SI: variants seen among roughly 807,000 people sequenced by gnomAD.
The protein encoded by SI is sucrase-isomaltase, intestinal.
SI carries 235 observed loss-of-function variants against 253.3 expected under a neutral mutation model. The ratio of observed to expected loss-of-function variants is 0.93; its 90% confidence interval spans 0.83 to 1.03. SI has a LOEUF of 1.03. SI is among the 50% of genes least tolerant of loss of function. The pLI is 0.00. For missense variants in SI, 2,442 were observed against 2,211.1 expected, an observed-to-expected ratio of 1.10 and a Z score of -2.09; for synonymous variants, 819 against 712.0, an observed-to-expected ratio of 1.15 and a Z score of -2.39.
chr3:165,062,264 A>G, intron 9 of SI, 107 bp downstream of exon 9: 1 of 666,902 alleles, frequency 1.5e-6, no homozygotes, highest in South Asian at 1.7e-5. Flanking sequence ...GAAAACATTT[A>G]GCTAAGAGGC....
chr3:165,021,518 T>A (rs759978644), intron 26 of SI, 135 bp from the exon 27 acceptor site: 3 of 732,750 alleles, frequency 4.1e-6, no homozygotes, highest in Non-Finnish European at 7.1e-6. Context: ...TCTACATTCA[T>A]GGTCCATATA....
intron 3 of SI, among the ~76,000 whole-genome samples, chr3:165,074,227 G>T (rs1364789846): frequency 1.3e-5 from 2 of 151,832 alleles, no homozygotes; most frequent in Admixed American, 6.6e-5. Context: ...ATTATCAAAG[G>T]TATACTTTCT....
chr3:165,066,948 T>C (rs995685594), intron 6 of SI, among the ~76,000 whole-genome samples: 1 of 151,866 alleles, frequency 6.6e-6, no homozygotes, highest in Non-Finnish European at 1.5e-5. Context: ...TATATATAAA[T>C]TATTTTAATA....
chr3:165,084,376 G>T, the SI span, among the ~76,000 whole-genome samples: 1 of 152,006 alleles, frequency 6.6e-6, no homozygotes, highest in South Asian at 2.1e-4. Context: ...AGAGCTGGTT[G>T]ATTTCAAACA....
At chr3:165,051,176 T>A (rs1713410529) in intron 13 of SI, among the ~76,000 whole-genome samples, 1 of 152,064 alleles carries the variant, frequency 6.6e-6, no homozygotes, top group Admixed American at 6.6e-5. Flanking sequence ...ACACTCAATA[T>A]GATTATTCAT....
intron 9 of SI, among the ~76,000 whole-genome samples, chr3:165,060,538 C>A (rs1713933865): frequency 6.6e-6 from 1 of 151,724 alleles, no homozygotes. Flanking sequence ...ATGCTCCCAC[C>A]CAGTTATTGC....
chr3:165,046,792 T>A, intron 16 of SI, 49 bp downstream of exon 16: 1 of 1,392,962 alleles, frequency 7.2e-7, no homozygotes, highest in Non-Finnish European at 1.0e-6. Context: ...ACATTAAAAA[T>A]TAATGTAATT....
chr3:165,027,810 A>G (rs555542285), intron 25 of SI, among the ~76,000 whole-genome samples: 2 of 151,702 alleles, frequency 1.3e-5, no homozygotes, highest in East Asian at 1.9e-4. Flanking sequence ...AAAACCGTCT[A>G]TGACAAACCC....
chr3:165,026,356 T>C (rs1293712749), intron 25 of SI, among the ~76,000 whole-genome samples: 2 of 151,034 alleles, frequency 1.3e-5, no homozygotes, highest in African/African-American at 4.8e-5. Context: ...GACCTAAGAA[T>C]TGAGAGAGTC....
chr3:165,033,767 T>C (rs966516034), intron 22 of SI, among the ~76,000 whole-genome samples: 1 of 151,586 alleles, frequency 6.6e-6, no homozygotes, highest in Non-Finnish European at 1.5e-5. Context: ...TTTTGAAAGA[T>C]ATTCTCTCCC....
chr3:165,062,476 A>G lies in SI; in HGVS notation c.915T>C (p.Phe305=), dbSNP rs1210417241. 6.4e-7 allele frequency: 1 copy of G among 1,561,480 alleles called. No individual in the cohort carries two copies. Among genetic ancestry groups the G allele is most frequent in the African/African-American group, 1.4e-5 (1 of 73,734 alleles). ...ATGTTACTATTGGAGTAGGCTGGAT[A>G]AAAATCTCTGCAAAATAAAATTGGT... ...FLMNSNAMEI[F]IQPTPIVTYR... Residue 305 remains phenylalanine (F), a synonymous_variant, in exon 9 of 48, where the codon TTT becomes TTC. Coordinates refer to ENST00000264382, the MANE Select transcript of SI (RefSeq NM_001041.4).
At chr3:165,032,209 G>C (rs1712284684) in intron 24 of SI, among the ~76,000 whole-genome samples, 1 of 151,152 alleles carries the variant, frequency 6.6e-6, no homozygotes, top group South Asian at 2.1e-4. Flanking sequence ...AGGTAGGTTA[G>C]AGTTCAGATT....
rs556870946 is a variant in SI, at chr3:165,020,852, G to A, written c.3254+377C>T. Among the ~76,000 whole-genome samples the A allele has an allele frequency of 2.0e-5, 3 of 151,660 alleles. No individual in the cohort carries two copies. The East Asian group carries it at 5.8e-4, about 29-fold the overall frequency. On this transcript the variant is annotated intron_variant, in intron 27 of 47. Transcript: ENST00000264382. Reference sequence around the variant, plus strand: ...AAATTATTAATTCTATCAGATTCAAGCACCAATAAACTATTTCAACAGTTT... The same window carrying A: ...AAATTATTAATTCTATCAGATTCAAACACCAATAAACTATTTCAACAGTTT...
intron 38 of SI, among the ~76,000 whole-genome samples, chr3:164,998,088 G>A (rs575269786): frequency 7.2e-5 from 11 of 151,774 alleles, no homozygotes; most frequent in African/African-American, 2.4e-4. Context: ...GTTTTTAGCT[G>A]TTTGAGGAAT....
At chr3:164,980,404 A>G (rs1717123807) in intron 47 of SI, among the ~76,000 whole-genome samples, 1 of 151,934 alleles carries the variant, frequency 6.6e-6, no homozygotes, top group Non-Finnish European at 1.5e-5. Flanking sequence ...AGCTGGACAT[A>G]ATTGTTACTA....
chr3:165,040,061 G>T, intron 18 of SI, 90 bp from the exon 19 acceptor site: 1 of 986,336 alleles, frequency 1.0e-6, no homozygotes, highest in Non-Finnish European at 1.6e-6. Context: ...GTTTTTTCCT[G>T]GGAATTGTTG....
intron 45 of SI, 25 bp from the exon 46 acceptor site, chr3:164,983,076 A>G (rs765560520): frequency 6.5e-7 from 1 of 1,532,394 alleles, no homozygotes; most frequent in Non-Finnish European, 9.0e-7. Context: ...AAAAAATGTG[A>G]TATATTGTTA....
At chr3:165,024,942 G>A (rs952317889) in intron 25 of SI, among the ~76,000 whole-genome samples, 5 of 151,150 alleles carry the variant, frequency 3.3e-5, no homozygotes. Flanking sequence ...AAATCCACAT[G>A]TCAGTTTCCA....
In SI at chr3:165,075,948, A is replaced by G. The variant is rs770551110; in HGVS notation, c.65T>C (p.Ile22Thr). 5.4e-5 allele frequency: 87 copies of G among 1,600,330 alleles called. 3 individuals are homozygous for G. The South Asian group carries it at 9.0e-4, about 17-fold the overall frequency. ...SLIVLFVIVTIIAIALIVVLA... is the reference protein window; with the variant it reads ...SLIVLFVIVTTIAIALIVVLA... ...AACAACAATTAAGGCAATAGCTATTATAGTAACTATGACAAAAAGGACAAT... is the reference window on the plus strand; with the variant it reads ...AACAACAATTAAGGCAATAGCTATTGTAGTAACTATGACAAAAAGGACAAT... The change falls in exon 2 of 48, where the codon ATA becomes ACA. Residue 22 changes from isoleucine to threonine, a missense_variant. By Grantham distance (89) the Ile-to-Thr change is moderately conservative. Coordinates refer to ENST00000264382, the MANE Select transcript of SI (RefSeq NM_001041.4).
Sources: allele counts gnomAD v4.1 joint callset (sites outside exome capture counted in the v4.1 genomes callset), GRCh38; gene constraint gnomAD v4.1.1; transcripts MANE v1.5; gene names NCBI Gene and HGNC (gene_info 2026-07-23, HGNC 2026-07-21).